EPHA7: variants seen among roughly 807,000 people sequenced by gnomAD.
EPHA7 encodes EPH receptor A7, also known as ephrin type-A receptor 7.
A neutral mutation model predicts 112.6 loss-of-function variants in EPHA7; 25 were observed. The observed-to-expected ratio is 0.22, with a 90% confidence interval of 0.16 to 0.31. The LOEUF is 0.31. Among genes scored for constraint, EPHA7 ranks in the 10% least tolerant of loss-of-function variants. EPHA7 has a pLI of 1.00. For synonymous variants in EPHA7, 437 were observed against 406.5 expected, an observed-to-expected ratio of 1.07 and a Z score of -0.90; for missense variants, 962 against 1,212.6, an observed-to-expected ratio of 0.79 and a Z score of 3.07.
chr6:93,269,835 A>G (rs949588013), intron 6 of EPHA7, among the ~76,000 whole-genome samples, 175 bp from the exon 7 acceptor site: 2 of 151,816 alleles, frequency 1.3e-5, no homozygotes, highest in Non-Finnish European at 2.9e-5. Context: ...AAAATGTGAA[A>G]CACATGCCTT....
chr6:93,254,907 G>T lies in EPHA7; in HGVS notation c.2383-111C>A, dbSNP rs183561325. 6.3e-4 allele frequency: 477 copies of T among 759,230 alleles called. 3 individuals carry two copies. The African/African-American group carries it at 7.8e-3, about 12-fold the overall frequency. 47.0% of individuals were successfully genotyped at this position (759,230 alleles called of 1,614,324 possible). On this transcript the variant is annotated intron_variant, in intron 13 of 16. Transcript: ENST00000369303. ...TTTGGTTGGTAGTTCAGCAGCATCA[G>T]GTCTACCCATCTTGAATCTCTATGC...
At chr6:93,293,574 C>T (rs991268867) in intron 5 of EPHA7, among the ~76,000 whole-genome samples, 4 of 152,048 alleles carry the variant, frequency 2.6e-5, no homozygotes, top group Non-Finnish European at 4.4e-5. Flanking sequence ...ACCAATCTGT[C>T]GACACTGGTA....
chr6:93,370,379 T>C (rs1383415315), intron 3 of EPHA7, among the ~76,000 whole-genome samples: 1 of 152,150 alleles, frequency 6.6e-6, no homozygotes, highest in East Asian at 1.9e-4. Flanking sequence ...TTACTGAGAA[T>C]TGCCATACAG....
rs147572825 is a variant in EPHA7, at chr6:93,361,430, G to C, written c.833-3019C>G. 9.6e-4 allele frequency among the ~76,000 whole-genome samples: 146 copies of C among 152,134 alleles called. 2 individuals are homozygous for C. Among genetic ancestry groups the C allele is most frequent in the Middle Eastern group, 6.8e-3 (2 of 294 alleles). On this transcript the variant is annotated intron_variant, in intron 3 of 16. Transcript: ENST00000369303. ...GTGATCTACTGGGTGGAAAAAGCTT[G>C]GGAAAGCAGTAACAGATGCTCTTAA...
chr6:93,418,667 C>G (rs905221598), intron 1 of EPHA7, among the ~76,000 whole-genome samples: 24 of 152,262 alleles, frequency 1.6e-4, no homozygotes, highest in African/African-American at 5.8e-4. Flanking sequence ...TGCTGGCGGC[C>G]GAGCGCCAAC....
At chr6:93,358,724 T>C (rs183838871) in intron 3 of EPHA7, among the ~76,000 whole-genome samples, 356 of 152,328 alleles carry the variant, frequency 2.3e-3, no homozygotes, top group African/African-American at 8.1e-3. Flanking sequence ...TTCCGATATA[T>C]AATTCAAATT....
At chr6:93,296,431 TAAA>T (rs1180650907) in intron 5 of EPHA7, among the ~76,000 whole-genome samples, 1 of 131,496 alleles carries the variant, frequency 7.6e-6, no homozygotes, top group East Asian at 2.1e-4. Context: ...CATATATATA[TAAA>T]ATATATAAAT....
chr6:93,287,786 T>C (rs1772144595), intron 5 of EPHA7, among the ~76,000 whole-genome samples: 1 of 152,004 alleles, frequency 6.6e-6, no homozygotes, highest in Admixed American at 6.6e-5. Flanking sequence ...GCAAACCCCT[T>C]CTCCTCAAGC....
intron 3 of EPHA7, among the ~76,000 whole-genome samples, chr6:93,405,684 T>C (rs1397157679): frequency 6.6e-6 from 1 of 151,020 alleles, no homozygotes; most frequent in African/African-American, 2.4e-5. Flanking sequence ...GAGATTGTCC[T>C]ACTTTATGCA....
intron 5 of EPHA7, among the ~76,000 whole-genome samples, chr6:93,350,073 G>T (rs140647948): frequency 1.3e-5 from 2 of 152,044 alleles, no homozygotes; most frequent in East Asian, 3.9e-4. Flanking sequence ...TGAGAAATTA[G>T]ATCTGGGCAT....
intron 3 of EPHA7, among the ~76,000 whole-genome samples, chr6:93,386,238 T>C (rs761390212): frequency 2.0e-5 from 3 of 152,170 alleles, no homozygotes; most frequent in Non-Finnish European, 2.9e-5. Context: ...AAGTCCCTTC[T>C]GACTATGAGC....
At chr6:93,408,979 C>CT (rs1266448704) in intron 3 of EPHA7, among the ~76,000 whole-genome samples, 55 of 36,960 alleles carry the variant, frequency 1.5e-3, no homozygotes, top group Middle Eastern at 7.7e-3. Context: ...ACTTTTTTTT[C>CT]TTTTTTTTTT....
intron 5 of EPHA7, among the ~76,000 whole-genome samples, chr6:93,345,041 T>C (rs928805199): frequency 9.2e-5 from 14 of 151,598 alleles, no homozygotes; most frequent in African/African-American, 3.4e-4. Flanking sequence ...ACTCATAAAA[T>C]GTATGAGGTT....
chr6:93,330,289 T>A (rs1037975216), intron 5 of EPHA7, among the ~76,000 whole-genome samples: 2 of 151,294 alleles, frequency 1.3e-5, no homozygotes, highest in African/African-American at 4.8e-5. Context: ...ATCATTTCCT[T>A]GTGCTGGGAA....
intron 6 of EPHA7, among the ~76,000 whole-genome samples, chr6:93,271,883 T>C (rs1414056415): frequency 1.3e-5 from 2 of 151,872 alleles, no homozygotes; most frequent in Non-Finnish European, 2.9e-5. Flanking sequence ...AATTATTAAA[T>C]TATTTGAGGT....
chr6:93,322,248 T>C (rs554719416), intron 5 of EPHA7, among the ~76,000 whole-genome samples: 1 of 151,862 alleles, frequency 6.6e-6, no homozygotes, highest in Non-Finnish European at 1.5e-5. Context: ...ATTTACACTG[T>C]AGGAAAGTGA....
chr6:93,321,240 T>G (rs1023315471), intron 5 of EPHA7, among the ~76,000 whole-genome samples: 2 of 152,096 alleles, frequency 1.3e-5, no homozygotes, highest in East Asian at 1.9e-4. Context: ...AGTGTGGTTC[T>G]CAGTATTTGC....
chr6:93,378,117 T>C (rs919274532), intron 3 of EPHA7, among the ~76,000 whole-genome samples: 7 of 151,880 alleles, frequency 4.6e-5, no homozygotes, highest in African/African-American at 1.7e-4. Context: ...AAAGAGACAA[T>C]TCATAGGCAA....
chr6:93,375,148 G>A (rs1776990613), intron 3 of EPHA7, among the ~76,000 whole-genome samples: 1 of 152,000 alleles, frequency 6.6e-6, no homozygotes, highest in Admixed American at 6.6e-5. Context: ...AAATAAGCCT[G>A]TTTTCCTTCT....
Sources: allele counts gnomAD v4.1 joint callset (sites outside exome capture counted in the v4.1 genomes callset), GRCh38; gene constraint gnomAD v4.1.1; transcripts MANE v1.5; gene names NCBI Gene and HGNC (gene_info 2026-07-23, HGNC 2026-07-21).